The following CDC27 variants were observed in gnomAD, a reference collection of about 807,000 sequenced individuals.
CDC27 encodes cell division cycle 27, also known as cell division cycle protein 27 homolog.
CDC27 carries 27 observed loss-of-function variants against 109.7 expected under a neutral mutation model. The observed-to-expected ratio is 0.25, with a 90% CI of 0.18 to 0.34. The LOEUF (loss-of-function observed/expected upper bound fraction) is 0.34. Ranked by LOEUF, CDC27 falls within the 10% of genes least tolerant of loss-of-function variation. The pLI is 1.00. For synonymous variants in CDC27, 266 were observed against 333.9 expected (o/e 0.80, Z 2.22); for missense variants, 579 against 960.2 (o/e 0.60, Z 5.25).
chr17:47,160,503 G>A (rs1295204891), intron 4 of CDC27, among the ~76,000 whole-genome samples: 4 of 152,172 alleles, frequency 2.6e-5, no homozygotes, highest in Non-Finnish European at 5.9e-5. Flanking sequence ...TGGGATTACA[G>A]GCGTGAGCCA....
chr17:47,130,722 A>T (rs1434561585), intron 15 of CDC27, among the ~76,000 whole-genome samples: 1 of 151,858 alleles, frequency 6.6e-6, no homozygotes. Flanking sequence ...CTAAAAATAC[A>T]AAAAATTAGC....
At chr17:47,152,246 G>A (rs1383676903) in intron 8 of CDC27, among the ~76,000 whole-genome samples, 1 of 151,592 alleles carries the variant, frequency 6.6e-6, no homozygotes, top group Non-Finnish European at 1.5e-5. Flanking sequence ...TTCTCTATTT[G>A]GGGTTAAGTA....
At chr17:47,169,243 C>T (rs2063738909) in intron 4 of CDC27, among the ~76,000 whole-genome samples, 1 of 151,942 alleles carries the variant, frequency 6.6e-6, no homozygotes, top group Admixed American at 6.6e-5. Context: ...CTCCCACCTC[C>T]ACCTCCCGAA....
chr17:47,128,631 AG>A (rs2062223192), intron 16 of CDC27, among the ~76,000 whole-genome samples: 1 of 152,136 alleles, frequency 6.6e-6, no homozygotes, highest in African/African-American at 2.4e-5. Context: ...AGAGAGTACT[AG>A]ATAGTAGGCC....
At chr17:47,187,066 C>T (rs1440285497) in intron 1 of CDC27, among the ~76,000 whole-genome samples, 1 of 152,134 alleles carries the variant, frequency 6.6e-6, no homozygotes, top group African/African-American at 2.4e-5. Context: ...TCTTGAATGG[C>T]TTCTTATACT....
At chr17:47,167,557 A>T (rs2063686715) in intron 4 of CDC27, among the ~76,000 whole-genome samples, 1 of 152,234 alleles carries the variant, frequency 6.6e-6, no homozygotes, top group Non-Finnish European at 1.5e-5. Context: ...CTCTCATTTG[A>T]ACAATATAAT....
chr17:47,149,087 A>AG lies in CDC27; in HGVS notation c.1070+2718_1070+2719insC, dbSNP rs910202514. On this transcript the variant is annotated intron_variant, in intron 9 of 18. Transcript: ENST00000066544. ...AGCAAGACTCTGTCTCAAAAAAAAA[A>AG]AAAAAAAAAGAAAAAGAAAGAAATT... Among the ~76,000 whole-genome samples, 39 of 151,760 alleles carry AG rather than the reference A, an allele frequency of 2.6e-4. 1 individual carries two copies. The highest frequency in any genetic ancestry group is 8.9e-4 in the African/African-American group (37 of 41,482).
Position 47,118,240 on chromosome 17 carries a change from T to C in CDC27, c.*2695A>G, listed in dbSNP as rs544356957. 1.2e-4 allele frequency: 19 copies of C among 152,262 alleles called. No individual in the cohort carries two copies. The highest frequency in any genetic ancestry group is 2.1e-4 in the Non-Finnish European group (14 of 68,040). The allele number at this position is 152,262 out of a possible 1,614,324, so 9.4% of individuals were successfully genotyped here. ...CATTTTTAATAGACTAAATACTGGT[T>C]ATCACTGAGTTTTTGTTTAAGGTAC... On this transcript the variant is annotated 3_prime_UTR_variant, in exon 19 of 19. Coordinates refer to ENST00000066544, the MANE Select transcript of CDC27 (RefSeq NM_001256.6).
intron 15 of CDC27, 120 bp downstream of exon 15, chr17:47,132,137 G>A (rs11570546): frequency 0.12 from 71,311 of 578,066 alleles, 7,083 homozygotes; most frequent in East Asian, 0.49. Context: ...GGGTGTAATA[G>A]GCTCCAGAAT....
chr17:47,132,093 A>ATTTT (rs11570547), intron 15 of CDC27, among the ~76,000 whole-genome samples, 164 bp downstream of exon 15: 113,572 of 149,610 alleles, frequency 0.76, 43,231 homozygotes, highest in East Asian at 0.91. Context: ...CAATTCTGTG[A>ATTTT]TTTTTTATGC....
chr17:47,178,651 C>T (rs1376389770), intron 2 of CDC27, among the ~76,000 whole-genome samples: 1 of 151,592 alleles, frequency 6.6e-6, no homozygotes, highest in Non-Finnish European at 1.5e-5. Flanking sequence ...CTACAGCAGA[C>T]TCTTTACATA....
At chr17:47,132,779 T>TATTATTATA (rs1555783689) in intron 14 of CDC27, among the ~76,000 whole-genome samples, 1 of 132,808 alleles carries the variant, frequency 7.5e-6, no homozygotes, top group African/African-American at 2.8e-5. Context: ...TTATTATTAT[T>TATTATTATA]ATATTTTAAA....
At chr17:47,128,452 G>A (rs1012671544) in intron 16 of CDC27, among the ~76,000 whole-genome samples, 2 of 151,968 alleles carry the variant, frequency 1.3e-5, no homozygotes, top group Non-Finnish European at 2.9e-5. Flanking sequence ...TTCAATACTT[G>A]TTTCAGGCTA....
intron 14 of CDC27, among the ~76,000 whole-genome samples, chr17:47,136,660 G>C (rs1258333220): frequency 3.3e-5 from 5 of 152,114 alleles, no homozygotes; most frequent in South Asian, 4.2e-4. Context: ...AAGTAAAATA[G>C]AGATACTGCT....
chr17:47,126,326 G>A (rs1448587586), intron 16 of CDC27, among the ~76,000 whole-genome samples: 1 of 152,062 alleles, frequency 6.6e-6, no homozygotes, highest in African/African-American at 2.4e-5. Flanking sequence ...AATCCATGCA[G>A]CAAATTAGGC....
At chr17:47,185,847 C>T (rs976931886) in intron 1 of CDC27, among the ~76,000 whole-genome samples, 13 of 152,188 alleles carry the variant, frequency 8.5e-5, no homozygotes, top group Non-Finnish European at 1.3e-4. Context: ...TTTAGATGCA[C>T]GTCAGTGGTT....
intron 12 of CDC27, among the ~76,000 whole-genome samples, chr17:47,141,009 C>A (rs906703411): frequency 6.6e-6 from 1 of 152,144 alleles, no homozygotes; most frequent in Non-Finnish European, 1.5e-5. Context: ...TGACTTATTG[C>A]TACCTGTTCT....
chr17:47,122,700 G>A (rs2148788339), intron 17 of CDC27, 100 bp from the exon 18 acceptor site: 2 of 851,442 alleles, frequency 2.3e-6, no homozygotes, highest in East Asian at 6.5e-5. Context: ...TTGAGATGGA[G>A]TCTCACTCTA....
chr17:47,161,055 TTC>T (rs932383084), intron 4 of CDC27: 6 of 151,592 alleles, frequency 4.0e-5, no homozygotes, highest in East Asian at 1.9e-4. Flanking sequence ...GATCAAAAAT[TTC>T]TTTCTTTTTT....
Sources: gnomAD v4.1 joint callset for allele counts (sites outside exome capture counted in the v4.1 genomes callset) on GRCh38, gnomAD v4.1.1 for gene constraint, MANE v1.5 for transcripts, NCBI Gene and HGNC (gene_info 2026-07-23, HGNC 2026-07-21) for gene names.